The following PALS1 variants were observed in gnomAD, a reference collection of about 807,000 sequenced individuals.
PALS1 encodes protein PALS1.
Under a neutral mutation model 78.9 loss-of-function variants are expected in PALS1, and 31 were observed. The ratio of observed to expected loss-of-function variants is 0.39; its 90% confidence interval spans 0.30 to 0.53. The LOEUF is 0.53. PALS1 is among the 20% of genes least tolerant of loss of function. PALS1 has a pLI of 0.67. For synonymous variants in PALS1, 276 were observed against 270.9 expected (o/e 1.02, Z -0.18); for missense variants, 704 against 826.5 (o/e 0.85, Z 1.82).
intron 3 of PALS1, among the ~76,000 whole-genome samples, chr14:67,291,443 C>A (rs2084772412): frequency 6.6e-6 from 1 of 151,994 alleles, no homozygotes; most frequent in Non-Finnish European, 1.5e-5. Context: ...CGCCACTGTT[C>A]CCGGCTAATT....
At chr14:67,255,664 A>C (rs1421525879) in intron 1 of PALS1, among the ~76,000 whole-genome samples, 1 of 152,092 alleles carries the variant, frequency 6.6e-6, no homozygotes, top group Admixed American at 6.6e-5. Context: ...AGAACGCTTG[A>C]AAGAGTTTTG....
chr14:67,295,902 A>G (rs746612839), intron 4 of PALS1, among the ~76,000 whole-genome samples: 2 of 152,208 alleles, frequency 1.3e-5, no homozygotes, highest in African/African-American at 2.4e-5. Context: ...GAAAAGCTTA[A>G]AAACAGATGT....
At chr14:67,286,754 A>G (rs907044414) in intron 3 of PALS1, among the ~76,000 whole-genome samples, 1 of 147,126 alleles carries the variant, frequency 6.8e-6, no homozygotes, top group African/African-American at 2.5e-5. Context: ...GCTACTTGGG[A>G]GGCTAGGTGG....
chr14:67,264,744 G>C (rs932704283), intron 1 of PALS1, among the ~76,000 whole-genome samples: 1 of 152,084 alleles, frequency 6.6e-6, no homozygotes. Flanking sequence ...CAAAGCCATT[G>C]TATGGCCTAG....
rs905860613 is a variant in PALS1 at position 67,279,244 on chromosome 14, C to T, written c.74C>T (p.Ser25Leu). The part of the protein sequence containing the change: ...DSEVKNVDLA[S>L]PEEHQKHREM... ...GAAGTAAAAAATGTTGATCTTGCAT[C>T]ACCAGAGGAACATCAGAAGCACCGA... Residue 25 changes from serine (S) to leucine (L), a missense_variant, in exon 3 of 15, where the codon TCA becomes TTA. Ser to Leu is a moderately radical substitution (Grantham distance 145). Transcript: ENST00000261681. 6.2e-7 allele frequency: 1 copy of T among 1,613,510 alleles called. No homozygotes were observed.
chr14:67,294,142 T>C lies in PALS1; in HGVS notation c.576+1423T>C, dbSNP rs2084811023. Among the ~76,000 whole-genome samples the C allele has an allele frequency of 2.6e-5, 4 of 152,200 alleles. No individual in the cohort carries two copies. The South Asian group carries it at 8.3e-4, about 32-fold the overall frequency. Reference sequence around the variant, plus strand: ...GTTCACATATTCACATATGTGAATATAGGATAGTTCACTATTTTAAAAGTA... The same window carrying C: ...GTTCACATATTCACATATGTGAATACAGGATAGTTCACTATTTTAAAAGTA... On this transcript the variant is annotated intron_variant, in intron 4 of 14. Transcript: ENST00000261681.
chr14:67,303,485 T>C (rs752030289), intron 7 of PALS1, 37 bp from the exon 8 acceptor site: 2 of 1,497,040 alleles, frequency 1.3e-6, no homozygotes, highest in Non-Finnish European at 1.9e-6. Flanking sequence ...TTTTCATAAA[T>C]GCAAATTTAA....
At chr14:67,314,425 C>T (rs1033547476) in intron 9 of PALS1, among the ~76,000 whole-genome samples, 1 of 152,148 alleles carries the variant, frequency 6.6e-6, no homozygotes, top group African/African-American at 2.4e-5. Context: ...AACTCAGAGG[C>T]TAGAAACAGA....
intron 3 of PALS1, among the ~76,000 whole-genome samples, chr14:67,283,493 T>C (rs1200155556): frequency 6.6e-6 from 1 of 152,230 alleles, no homozygotes; most frequent in African/African-American, 2.4e-5. Context: ...TCTTGAGTTT[T>C]AGTTCAGCCT....
intron 13 of PALS1, among the ~76,000 whole-genome samples, chr14:67,321,603 A>C (rs2085266128): frequency 6.6e-6 from 1 of 152,184 alleles, no homozygotes; most frequent in Non-Finnish European, 1.5e-5. Context: ...AAATTCATTT[A>C]TCTTTTATAT....
chr14:67,312,860 A>C (rs1172996693), intron 9 of PALS1, 150 bp downstream of exon 9: 4 of 586,870 alleles, frequency 6.8e-6, no homozygotes, highest in Non-Finnish European at 1.1e-5. Context: ...TTGTACCTGC[A>C]GCGTAAGTAT....
chr14:67,260,286 G>T (rs1040966643), intron 1 of PALS1, among the ~76,000 whole-genome samples: 1 of 152,182 alleles, frequency 6.6e-6, no homozygotes, highest in African/African-American at 2.4e-5. Context: ...GCTAAGCAGG[G>T]TCAGGCCTGG....
chr14:67,258,957 C>G (rs1258836119), intron 1 of PALS1, among the ~76,000 whole-genome samples: 2 of 151,670 alleles, frequency 1.3e-5, no homozygotes, highest in Non-Finnish European at 2.9e-5. Flanking sequence ...ATTTTCCTGC[C>G]TCACCCTCCC....
At chr14:67,271,659 T>C (rs1231147729) in intron 2 of PALS1, 1 of 152,232 alleles carries the variant, frequency 6.6e-6, no homozygotes, top group East Asian at 1.9e-4. Flanking sequence ...ACTGGATGGA[T>C]GTAGTGACAT....
intron 1 of PALS1, among the ~76,000 whole-genome samples, chr14:67,268,092 T>G (rs1410468175): frequency 6.6e-6 from 1 of 152,234 alleles, no homozygotes; most frequent in Non-Finnish European, 1.5e-5. Flanking sequence ...TTTCTTTCTC[T>G]TGTGTGGAAT....
intron 6 of PALS1, 78 bp downstream of exon 6, chr14:67,302,196 A>G: frequency 7.0e-7 from 1 of 1,418,510 alleles, no homozygotes; most frequent in Non-Finnish European, 9.4e-7. Flanking sequence ...TTAATTTCAG[A>G]ATTCTAATGA....
At chr14:67,255,295 T>C (rs2140467325) in intron 1 of PALS1, among the ~76,000 whole-genome samples, 1 of 152,342 alleles carries the variant, frequency 6.6e-6, no homozygotes, top group Non-Finnish European at 1.5e-5. Context: ...CCATGTGAGT[T>C]TGGTAATTAG....
chr14:67,332,979 T>C lies in PALS1; in HGVS notation c.*23T>C, dbSNP rs753277440. ...TGAAAGAAACATCCATTCTGTGGCA[T>C]GTTGGACTTGATCTGGCAAAAACTG... On this transcript the variant is annotated 3_prime_UTR_variant, in exon 15 of 15. Transcript: ENST00000261681. 1.4e-5 allele frequency: 22 copies of C among 1,587,320 alleles called. No homozygotes were observed. Among genetic ancestry groups the C allele is most frequent in the Non-Finnish European group, 1.7e-5 (20 of 1,161,988 alleles).
chr14:67,282,694 A>C (rs2084622983), intron 3 of PALS1, among the ~76,000 whole-genome samples: 1 of 151,020 alleles, frequency 6.6e-6, no homozygotes, highest in African/African-American at 2.5e-5. Context: ...TAAATGGTAA[A>C]AAATTTGATA....
Sources: allele counts gnomAD v4.1 joint callset (sites outside exome capture counted in the v4.1 genomes callset), GRCh38; gene constraint gnomAD v4.1.1; transcripts MANE v1.5; gene names NCBI Gene and HGNC (gene_info 2026-07-23, HGNC 2026-07-21).